RABL2A: variants seen among roughly 807,000 people sequenced by gnomAD.
The protein encoded by RABL2A is RAB, member of RAS oncogene family like 2A.
A neutral mutation model predicts 30.7 loss-of-function variants in RABL2A; 17 were observed. The observed-to-expected ratio is 0.55, with a 90% CI of 0.38 to 0.83. The LOEUF (loss-of-function observed/expected upper bound fraction) is 0.83. Among genes scored for constraint, RABL2A ranks in the 40% least tolerant of loss-of-function variants. RABL2A has a pLI of 0.00. For missense variants in RABL2A, 155 were observed against 272.6 expected, an observed-to-expected ratio of 0.57 and a Z score of 3.04; for synonymous variants, 64 against 101.8, an observed-to-expected ratio of 0.63 and a Z score of 2.24.
chr2:113,628,841 A>T, intron 2 of RABL2A, 128 bp downstream of exon 2: 1 of 1,488,564 alleles, frequency 6.7e-7, no homozygotes, highest in Admixed American at 1.9e-5. Flanking sequence ...TGGAGCCCAG[A>T]TGTTCATGGG....
intron 5 of RABL2A, among the ~76,000 whole-genome samples, chr2:113,635,983 C>T (rs1682539206): frequency 6.6e-6 from 1 of 151,396 alleles, no homozygotes; most frequent in South Asian, 2.1e-4. Flanking sequence ...TGGCGGGTGC[C>T]TGTAATCCCA....
At chr2:113,628,368 A>T (rs1371008769) in intron 1 of RABL2A, 186 bp from the exon 2 acceptor site, 5 of 406,744 alleles carry the variant, frequency 1.2e-5, no homozygotes, top group African/African-American at 3.3e-5. Context: ...CGCAGGACTT[A>T]ACTATTTGTG....
intron 5 of RABL2A, chr2:113,635,592 C>G (rs1682311747): frequency 7.6e-6 from 2 of 263,676 alleles, no homozygotes; most frequent in Non-Finnish European, 1.5e-5. Flanking sequence ...CATTGTGTTG[C>G]CCGGGACGCA....
chr2:113,633,016 C>G, intron 3 of RABL2A, 72 bp downstream of exon 3: 1 of 1,609,154 alleles, frequency 6.2e-7, no homozygotes, highest in Non-Finnish European at 8.5e-7. Flanking sequence ...TGTCCCACTG[C>G]CCACCCCTTT....
rs142860001 is a variant in RABL2A at position 113,641,423 on chromosome 2, G to T, written c.480G>T (p.Ser160=). 1.6e-4 allele frequency: 263 copies of T among 1,611,310 alleles called. No homozygotes were observed. In the African/African-American group the frequency reaches 3.4e-3, roughly 21 times the overall value. The change falls in exon 7 of 9, where the codon TCG becomes TCT. Residue 160 remains serine, a synonymous_variant. Coordinates refer to ENST00000683472, the MANE Select transcript of RABL2A (RefSeq NM_001306158.2). ...KKFSLPLYFV[S]AADGTNVVKL... Reference sequence around the variant, plus strand: ...TCTCCCTGCCCCTGTATTTCGTCTCGGCTGCTGATGGTACCAATGTTGTGA... The same window carrying T: ...TCTCCCTGCCCCTGTATTTCGTCTCTGCTGCTGATGGTACCAATGTTGTGA...
Position 113,640,596 on chromosome 2 carries a change from C to G in RABL2A, c.298-298C>G, listed in dbSNP as rs190767403. On this transcript the variant is annotated intron_variant, in intron 5 of 8. Coordinates refer to ENST00000683472, the MANE Select transcript of RABL2A (RefSeq NM_001306158.2). ...TTCACCATGTTGGCCAGGCTGGTCTCAAACTCCTGACCTCAGGTGATTGAC... is the reference window on the plus strand; with the variant it reads ...TTCACCATGTTGGCCAGGCTGGTCTGAAACTCCTGACCTCAGGTGATTGAC... 1.6e-3 allele frequency: 568 copies of G among 363,662 alleles called. 9 individuals are homozygous for G. In the East Asian group the frequency reaches 0.022, roughly 14 times the overall value. The allele number at this position is 363,662 out of a possible 1,614,324, so 22.5% of individuals were successfully genotyped here. A position where few individuals can be genotyped will look rare whatever the true frequency, so the allele number is the denominator to read the frequency against.
intron 5 of RABL2A, 133 bp from the exon 6 acceptor site, chr2:113,640,761 G>A (rs1684826292): frequency 2.2e-5 from 33 of 1,496,692 alleles, no homozygotes; most frequent in Non-Finnish European, 2.9e-5. Flanking sequence ...GGTCAGAGAG[G>A]CTGCAATTCA....
At chr2:113,632,498 A>C (rs1192462194) in intron 2 of RABL2A, among the ~76,000 whole-genome samples, 97 of 141,450 alleles carry the variant, frequency 6.9e-4, no homozygotes, top group African/African-American at 1.6e-3. Flanking sequence ...GGGCTTCACC[A>C]TGTTGGCCAG....
intron 3 of RABL2A, 168 bp from the exon 4 acceptor site, chr2:113,633,985 T>C: frequency 7.0e-7 from 1 of 1,423,420 alleles, no homozygotes; most frequent in Non-Finnish European, 9.4e-7. Flanking sequence ...CTTGTACCAG[T>C]GGTATGTGAA....
intron 5 of RABL2A, among the ~76,000 whole-genome samples, chr2:113,639,854 T>TAAA (rs1274429437): frequency 2.7e-5 from 3 of 110,116 alleles, no homozygotes; most frequent in Non-Finnish European, 3.6e-5. Flanking sequence ...AGACTCCGTC[T>TAAA]AAAAAAAAAA....
chr2:113,631,250 GTC>G (rs1264116281), intron 2 of RABL2A, among the ~76,000 whole-genome samples: 1 of 152,104 alleles, frequency 6.6e-6, no homozygotes, highest in African/African-American at 2.4e-5. Context: ...CAGATGTGTT[GTC>G]TTTTTTCTTT....
intron 5 of RABL2A, chr2:113,635,550 C>G (rs1682276472): frequency 6.9e-6 from 2 of 288,248 alleles, no homozygotes; most frequent in Admixed American, 9.4e-5. Context: ...CCTTCTCTCT[C>G]AGGCCAGCCC....
intron 4 of RABL2A, among the ~76,000 whole-genome samples, chr2:113,634,793 T>C (rs1028834399): frequency 2.4e-4 from 36 of 152,150 alleles, no homozygotes; most frequent in Non-Finnish European, 4.1e-4. Flanking sequence ...CTCCTTGGGC[T>C]TCCAGTGTGT....
chr2:113,633,339 T>G, intron 3 of RABL2A: 2 of 314,158 alleles, frequency 6.4e-6, no homozygotes, highest in Non-Finnish European at 1.2e-5. Flanking sequence ...CTGATATGAA[T>G]GAACTTTGTA....
intron 3 of RABL2A, 102 bp from the exon 4 acceptor site, chr2:113,634,051 G>A: frequency 1.4e-6 from 2 of 1,459,938 alleles, no homozygotes; most frequent in Non-Finnish European, 1.9e-6. Flanking sequence ...ACTCCAAAGA[G>A]AAGAGGAGGG....
At chr2:113,637,005 TAAA>T (rs375997102) in intron 5 of RABL2A, among the ~76,000 whole-genome samples, 27 of 109,764 alleles carry the variant, frequency 2.5e-4, no homozygotes, top group East Asian at 1.3e-3. Context: ...AATAAAAAAA[TAAA>T]AAAATAAAGT....
chr2:113,639,452 T>A (rs1684255033), intron 5 of RABL2A, among the ~76,000 whole-genome samples: 1 of 151,146 alleles, frequency 6.6e-6, no homozygotes, highest in Non-Finnish European at 1.5e-5. Context: ...TGAAACCCTG[T>A]CTCTACTAAA....
chr2:113,643,152 T>A lies in RABL2A; in HGVS notation c.*1023T>A. On this transcript the variant is annotated 3_prime_UTR_variant, in exon 9 of 9. Coordinates refer to ENST00000683472, the MANE Select transcript of RABL2A (RefSeq NM_001306158.2). ...CTACAAGAAGAGCTTCCTTTAAAGT[T>A]CCTATTTCAGCATAAAGAGGCTGTC... 1 of 454,780 alleles carries A rather than the reference T, an allele frequency of 2.2e-6. No individual in the cohort carries two copies. The highest frequency in any genetic ancestry group is 4.4e-6 in the Non-Finnish European group (1 of 226,348). 28.2% of individuals were successfully genotyped at this position (454,780 alleles called of 1,614,324 possible). A position where few individuals can be genotyped will look rare whatever the true frequency, so the allele number is the denominator to read the frequency against.
intron 2 of RABL2A, among the ~76,000 whole-genome samples, chr2:113,632,427 C>G (rs1559136631): frequency 6.6e-6 from 1 of 152,204 alleles, no homozygotes; most frequent in Non-Finnish European, 1.5e-5. Flanking sequence ...TCCTGAGTAG[C>G]TGGGATTACA....
Sources: gnomAD v4.1 joint callset for allele counts (sites outside exome capture counted in the v4.1 genomes callset) on GRCh38, gnomAD v4.1.1 for gene constraint, MANE v1.5 for transcripts, NCBI Gene and HGNC (gene_info 2026-07-23, HGNC 2026-07-21) for gene names.